The following CCAR1 variants were observed in gnomAD, a reference collection of about 807,000 sequenced individuals.
CCAR1 encodes cell division cycle and apoptosis regulator 1.
CCAR1 carries 78 observed loss-of-function variants against 163.8 expected under a neutral mutation model. The ratio of observed to expected loss-of-function variants is 0.48; its 90% CI spans 0.40 to 0.57. The LOEUF (loss-of-function observed/expected upper bound fraction) is 0.57, where lower values mean the gene tolerates loss of function less well. CCAR1 is among the 20% of genes least tolerant of loss of function. The pLI is 0.00. For synonymous variants in CCAR1, 443 were observed against 460.7 expected, an observed-to-expected ratio of 0.96 and a Z score of 0.49; for missense variants, 1,019 against 1,365.2, an observed-to-expected ratio of 0.75 and a Z score of 4.00.
At chr10:68,787,609 G>T (rs1041368703) in intron 21 of CCAR1, among the ~76,000 whole-genome samples, 3 of 152,146 alleles carry the variant, frequency 2.0e-5, no homozygotes, top group Non-Finnish European at 2.9e-5. Flanking sequence ...GCGGAGGAGG[G>T]TGGATCACCT....
At chr10:68,769,946 A>C (rs1004400671) in intron 17 of CCAR1, among the ~76,000 whole-genome samples, 1 of 150,628 alleles carries the variant, frequency 6.6e-6, no homozygotes, top group Non-Finnish European at 1.5e-5. Flanking sequence ...GTCTCAAAAA[A>C]AAAAAAAAAA....
At chr10:68,768,626 T>C (rs1475661459) in intron 17 of CCAR1, among the ~76,000 whole-genome samples, 1 of 151,904 alleles carries the variant, frequency 6.6e-6, no homozygotes, top group East Asian at 1.9e-4. Context: ...ATAAAAAAAG[T>C]AAGCAGTTGC....
intron 19 of CCAR1, among the ~76,000 whole-genome samples, chr10:68,780,558 C>A (rs958743520): frequency 5.3e-5 from 8 of 152,204 alleles, no homozygotes; most frequent in African/African-American, 1.9e-4. Context: ...ACATACCATA[C>A]AAGTAGACAC....
intron 21 of CCAR1, chr10:68,787,007 C>T (rs2056802648): frequency 4.9e-6 from 1 of 204,294 alleles, no homozygotes; most frequent in Non-Finnish European, 9.8e-6. Flanking sequence ...ATCTCTTGAA[C>T]CCAGGAGGTG....
chr10:68,759,719 G>A (rs917774893), intron 15 of CCAR1, among the ~76,000 whole-genome samples: 1 of 151,852 alleles, frequency 6.6e-6, no homozygotes, highest in Non-Finnish European at 1.5e-5. Flanking sequence ...CTCCAGCCTG[G>A]GTGACAGAGC....
Position 68,740,674 on chromosome 10 carries a change from T to G in CCAR1, c.324+13T>G. ...CCTCTTAACACAGGTTAGTTGGTAT[T>G]ACTTTATTTGTTTTGGATGTCTGAA... On this transcript the variant is annotated intron_variant, in intron 5 of 24. Coordinates refer to ENST00000265872, the MANE Select transcript of CCAR1 (RefSeq NM_018237.4). 6.2e-7 allele frequency: 1 copy of G among 1,603,028 alleles called. No homozygotes were observed. Among genetic ancestry groups the G allele is most frequent in the Non-Finnish European group, 8.5e-7 (1 of 1,173,380 alleles).
chr10:68,773,551 G>GTA (rs1371515328), intron 19 of CCAR1, among the ~76,000 whole-genome samples: 4 of 151,850 alleles, frequency 2.6e-5, no homozygotes, highest in Non-Finnish European at 4.4e-5. Flanking sequence ...ATAATCCCAG[G>GTA]TATACTCTGG....
chr10:68,755,325 G>T, intron 12 of CCAR1, 45 bp from the exon 13 acceptor site: 1 of 1,516,842 alleles, frequency 6.6e-7, no homozygotes, highest in South Asian at 1.1e-5. Context: ...TTGGTAATTT[G>T]ACAGGGTGCG....
At chr10:68,776,565 T>C (rs1488993310) in intron 19 of CCAR1, among the ~76,000 whole-genome samples, 1 of 152,126 alleles carries the variant, frequency 6.6e-6, no homozygotes, top group Non-Finnish European at 1.5e-5. Flanking sequence ...AAACTCCGTC[T>C]GTAAAAAAGA....
intron 2 of CCAR1, among the ~76,000 whole-genome samples, chr10:68,736,428 A>C (rs1015584839): frequency 2.0e-5 from 3 of 152,150 alleles, no homozygotes; most frequent in African/African-American, 7.2e-5. Flanking sequence ...CGTGATGTAC[A>C]ATGGGTATCT....
chr10:68,738,068 G>A (rs553447432), intron 4 of CCAR1, among the ~76,000 whole-genome samples, 179 bp downstream of exon 4: 2 of 152,180 alleles, frequency 1.3e-5, no homozygotes, highest in Non-Finnish European at 1.5e-5. Flanking sequence ...GGAGATAGGA[G>A]GGTGGTCCTA....
In CCAR1 at chr10:68,761,169, A is replaced by G. The variant is rs2056465179; in HGVS notation, c.2083A>G (p.Arg695Gly). ...AAAAGAAGAGGATGAGGATGATGAT[A>G]GGAAATCTGAAGACGATAAAGAGGT... Reference protein sequence around the residue: ...SEKEEDEDDDRKSEDDKEEEE... With the variant: ...SEKEEDEDDDGKSEDDKEEEE... The change falls in exon 16 of 25, where the codon AGG (arginine) becomes GGG (glycine). Residue 695 changes from arginine (R) to glycine (G), a missense_variant. Arg to Gly is a moderately radical substitution (Grantham distance 125). Transcript: ENST00000265872. 1 of 1,601,952 alleles carries G rather than the reference A, an allele frequency of 6.2e-7. No individual in the cohort carries two copies. Among genetic ancestry groups the G allele is most frequent in the Non-Finnish European group, 8.5e-7 (1 of 1,175,904 alleles).
In CCAR1 at chr10:68,733,178, G is replaced by A. The variant is rs188619088; in HGVS notation, c.74-3698G>A. On this transcript the variant is annotated intron_variant, in intron 2 of 24. Transcript: ENST00000265872. ...TAATCCCAGCACTTTGGGAGGCCGAGGTGGATGGATTGCTTGAGCCCAGGA... is the reference window on the plus strand; with the variant it reads ...TAATCCCAGCACTTTGGGAGGCCGAAGTGGATGGATTGCTTGAGCCCAGGA... Among the ~76,000 whole-genome samples, 6 of 152,222 alleles carry A rather than the reference G, an allele frequency of 3.9e-5. No individual in the cohort carries two copies. In the East Asian group the frequency reaches 9.7e-4, roughly 24 times the overall value.
chr10:68,749,548 T>C lies in CCAR1; in HGVS notation c.981T>C (p.Arg327=). 1.2e-6 allele frequency: 2 copies of C among 1,613,702 alleles called. No homozygotes were observed. The highest frequency in any genetic ancestry group is 1.7e-6 in the Non-Finnish European group (2 of 1,179,814). Residue 327 remains arginine (R), a synonymous_variant, in exon 10 of 25, where the codon CGT becomes CGC. Coordinates refer to ENST00000265872, the MANE Select transcript of CCAR1 (RefSeq NM_018237.4). The part of the protein sequence containing the change: ...DRSRERERER[R]RSRERSPQRK... ...GTCGTGAGAGAGAGAGAGAAAGACG[T>C]AGATCGAGAGAAAGATCACCTCAGA...
rs770069105 is a variant in CCAR1, at chr10:68,765,916, T to C, written c.2135T>C (p.Ile712Thr). 9 of 1,613,076 alleles carry C rather than the reference T, an allele frequency of 5.6e-6. No homozygotes were observed. The Admixed American group carries it at 1.2e-4, about 21-fold the overall frequency. The change falls in exon 17 of 25, where the codon ATA becomes ACA. Residue 712 changes from isoleucine to threonine, a missense_variant. Around this residue, in one of 4 missense-constraint regions of CCAR1, gnomAD observed 644 missense variants for 904.4 expected, o/e 0.71. Transcript: ENST00000265872. Reference protein sequence around the residue: ...EEEERKRQEEIERQRRERRYI... With the variant: ...EEEERKRQEETERQRRERRYI... ...GAAGAAAGGAAACGTCAAGAGGAAA[T>C]AGAACGCCAGCGTCGAGAAAGAAGA...
At chr10:68,723,387 C>T (rs1311352939) in intron 2 of CCAR1, among the ~76,000 whole-genome samples, 3 of 151,050 alleles carry the variant, frequency 2.0e-5, no homozygotes, top group Non-Finnish European at 4.4e-5. Context: ...CCTCGGCCTC[C>T]CGAAGTGCTG....
chr10:68,791,738 A>G lies in CCAR1; in HGVS notation c.*472A>G, dbSNP rs921770710. The G allele has an allele frequency of 2.0e-5, 3 of 153,474 alleles. No individual in the cohort carries two copies. The highest frequency in any genetic ancestry group is 7.2e-5 in the African/African-American group (3 of 41,416). 9.5% of individuals were successfully genotyped at this position (153,474 alleles called of 1,614,324 possible). A position where few individuals can be genotyped will look rare whatever the true frequency, so the allele number is the denominator to read the frequency against. On this transcript the variant is annotated 3_prime_UTR_variant, in exon 25 of 25. Coordinates refer to ENST00000265872, the MANE Select transcript of CCAR1 (RefSeq NM_018237.4). ...TTTTGTTTTTTTTACTCATCACCAA[A>G]AAATCCCCTCTTGATCAGTCTCTAA...
chr10:68,741,659 A>G (rs1386762838), intron 5 of CCAR1, among the ~76,000 whole-genome samples: 3 of 152,198 alleles, frequency 2.0e-5, no homozygotes, highest in African/African-American at 7.2e-5. Context: ...GGTACAGTCT[A>G]GTATGTATTA....
Position 68,738,438 on chromosome 10 carries a change from TAAA to T in CCAR1, c.291+553_291+555del, listed in dbSNP as rs762493454. 5.3e-5 allele frequency among the ~76,000 whole-genome samples: 8 copies of T among 151,718 alleles called. No homozygotes were observed. In the South Asian group the frequency reaches 1.0e-3, roughly 20 times the overall value. ...AGCGAAACTCTGTCTCAAAAAAAAA[TAAA>T]AAAGTATGCAGAGAATAATCTAGAA... On this transcript the variant is annotated intron_variant, in intron 4 of 24. Coordinates refer to ENST00000265872, the MANE Select transcript of CCAR1 (RefSeq NM_018237.4).
Sources: allele counts gnomAD v4.1 joint callset (sites outside exome capture counted in the v4.1 genomes callset), GRCh38; gene constraint gnomAD v4.1.1; regional missense constraint gnomAD v4.1.1; transcripts MANE v1.5; gene names NCBI Gene and HGNC (gene_info 2026-07-23, HGNC 2026-07-21).